Variants in SERPINB11 observed in about 807,000 individuals in gnomAD.
The protein encoded by SERPINB11 is serpin B11.
Under a neutral mutation model 36.7 loss-of-function variants are expected in SERPINB11, and 32 were observed. The ratio of observed to expected loss-of-function variants is 0.87; its 90% CI spans 0.66 to 1.17. The LOEUF is 1.17. SERPINB11 is among the 50% of genes most tolerant of loss of function. The pLI is 0.00. For missense variants in SERPINB11, 528 were observed against 458.4 expected (o/e 1.15, Z -1.39); for synonymous variants, 174 against 168.1 (o/e 1.04, Z -0.27).
intron 4 of SERPINB11, among the ~76,000 whole-genome samples, chr18:63,714,257 G>A (rs1914606160): frequency 6.6e-6 from 1 of 152,040 alleles, no homozygotes; most frequent in East Asian, 1.9e-4. Context: ...GTACGAATAG[G>A]GTGTGGGTCA....
chr18:63,719,458 G>C (rs996169263), intron 5 of SERPINB11, among the ~76,000 whole-genome samples: 2 of 152,082 alleles, frequency 1.3e-5, no homozygotes. Context: ...AATGCACCAA[G>C]AGGGCTGGAT....
At chr18:63,720,370 T>A (rs7238590) in intron 6 of SERPINB11, 165,921 of 519,798 alleles carry the variant, frequency 0.32, 28,966 homozygotes, top group East Asian at 0.55. Flanking sequence ...ATACTAAGAT[T>A]CTCTGGCAGA....
intron 1 of SERPINB11, among the ~76,000 whole-genome samples, chr18:63,707,827 C>T (rs556151930): frequency 3.3e-5 from 5 of 152,234 alleles, no homozygotes; most frequent in Admixed American, 2.6e-4. Flanking sequence ...AAAACAAAGA[C>T]CTTGGTGTAA....
chr18:63,720,393 T>C (rs1914778445), intron 6 of SERPINB11: 2 of 493,116 alleles, frequency 4.1e-6, no homozygotes, highest in Non-Finnish European at 7.0e-6. Context: ...AGAAAACCCA[T>C]TCTTTTCTTA....
chr18:63,709,453 A>G (rs1288121088), intron 1 of SERPINB11, among the ~76,000 whole-genome samples: 1 of 151,988 alleles, frequency 6.6e-6, no homozygotes, highest in African/African-American at 2.4e-5. Flanking sequence ...CTACCAAAAA[A>G]TACAAAAGTT....
intron 2 of SERPINB11, 35 bp from the exon 3 acceptor site, chr18:63,711,300 C>G (rs367844779): frequency 1.4e-4 from 199 of 1,465,778 alleles, no homozygotes; most frequent in Non-Finnish European, 1.6e-4. Flanking sequence ...TACATTGCTT[C>G]TGATGCCAAA....
At chr18:63,704,173 T>C (rs370081858) in intron 1 of SERPINB11, among the ~76,000 whole-genome samples, 4 of 152,216 alleles carry the variant, frequency 2.6e-5, no homozygotes, top group Admixed American at 1.3e-4. Context: ...CAAGTATTGA[T>C]TCCTGGGTGA....
chr18:63,705,782 T>C (rs532304304), intron 1 of SERPINB11: 3 of 152,302 alleles, frequency 2.0e-5, no homozygotes, highest in Admixed American at 6.5e-5. Flanking sequence ...TTAAGATAAA[T>C]AAATTCACGT....
chr18:63,707,521 T>C (rs1176196606), intron 1 of SERPINB11, among the ~76,000 whole-genome samples: 3 of 152,222 alleles, frequency 2.0e-5, no homozygotes, highest in Non-Finnish European at 4.4e-5. Flanking sequence ...GGTGTTTGAG[T>C]CTCTGCTCAT....
intron 5 of SERPINB11, among the ~76,000 whole-genome samples, chr18:63,716,793 C>T (rs898946601): frequency 7.9e-6 from 1 of 127,350 alleles, no homozygotes; most frequent in Non-Finnish European, 1.6e-5. Flanking sequence ...CCCCAGTTGG[C>T]TCTTTTTTTT....
intron 1 of SERPINB11, chr18:63,705,693 TA>T (rs1914354611): frequency 6.6e-6 from 1 of 152,244 alleles, no homozygotes; most frequent in Admixed American, 6.5e-5. Context: ...ACTCTTTTCT[TA>T]GGTGCTCTAG....
rs114363333 is a variant in SERPINB11, at chr18:63,710,472, A to G, written c.168+111A>G. ...ACCAATAAAATTGCCATCTTGAGAG[A>G]GAAAAAACACATTGAATAAATCATA... On this transcript the variant is annotated intron_variant, in intron 2 of 7. Coordinates refer to ENST00000544088, the MANE Select transcript of SERPINB11 (RefSeq NM_001370475.1). The G allele has an allele frequency of 6.1e-3, 4,770 of 779,828 alleles. 45 individuals carry two copies. Among genetic ancestry groups the G allele is most frequent in the African/African-American group, 0.035 (1,977 of 56,660 alleles). The allele number at this position is 779,828 out of a possible 1,614,324, so 48.3% of individuals were successfully genotyped here.
At chr18:63,710,532 G>C (rs1487762909) in intron 2 of SERPINB11, among the ~76,000 whole-genome samples, 171 bp downstream of exon 2, 1 of 152,198 alleles carries the variant, frequency 6.6e-6, no homozygotes, top group African/African-American at 2.4e-5. Context: ...GATTAATGGA[G>C]TATGCTGTAA....
chr18:63,723,222 G>A lies in SERPINB11; in HGVS notation c.1002G>A (p.Lys334=). 6.2e-7 allele frequency: 1 copy of A among 1,613,888 alleles called. No homozygotes were observed. The highest frequency in any genetic ancestry group is 8.5e-7 in the Non-Finnish European group (1 of 1,179,854). The change falls in exon 8 of 8, where the codon AAG becomes AAA. Residue 334 remains lysine, a synonymous_variant. Transcript: ENST00000544088. ...KGLYLSKAIH[K]SYLDVSEEGT... is the part of the protein sequence containing the mutation. ...TATATTTATCAAAAGCCATCCACAA[G>A]TCATACCTGGATGTCAGCGAAGAGG...
intron 5 of SERPINB11, among the ~76,000 whole-genome samples, chr18:63,716,792 G>A (rs1037445729): frequency 3.9e-5 from 5 of 128,200 alleles, no homozygotes; most frequent in African/African-American, 1.3e-4. Context: ...TCCCCAGTTG[G>A]CTCTTTTTTT....
chr18:63,716,973 A>T (rs2144545168), intron 5 of SERPINB11, among the ~76,000 whole-genome samples: 1 of 152,240 alleles, frequency 6.6e-6, no homozygotes, highest in African/African-American at 2.4e-5. Context: ...TATACTCATG[A>T]CTCAGGTCAG....
Position 63,723,719 on chromosome 18 carries a change from T to TACGGCGACCAC in SERPINB11, c.*320_*321insACGGCGACCAC. ...ATTAGATTTTCTTGACTTGTATGTA[T>TACGGCGACCAC]CTGTGAGATCTTGAATAAGTGACCT... On this transcript the variant is annotated 3_prime_UTR_variant, in exon 8 of 8. Coordinates refer to ENST00000544088, the MANE Select transcript of SERPINB11 (RefSeq NM_001370475.1). 1 of 225,186 alleles carries TACGGCGACCAC rather than the reference T, an allele frequency of 4.4e-6. No individual in the cohort carries two copies. 13.9% of individuals were successfully genotyped at this position (225,186 alleles called of 1,614,324 possible).
upstream of SERPINB11, chr18:63,702,387 T>C (rs139272096): frequency 3.7e-4 from 56 of 152,238 alleles, no homozygotes; most frequent in African/African-American, 1.3e-3. Context: ...GGTCAGGAGT[T>C]TGAGACCAGC....
chr18:63,706,070 A>C (rs936743273), intron 1 of SERPINB11, among the ~76,000 whole-genome samples: 1 of 152,216 alleles, frequency 6.6e-6, no homozygotes, highest in African/African-American at 2.4e-5. Flanking sequence ...AAAAACTGTC[A>C]AGAGCAAAGA....
Sources: allele counts gnomAD v4.1 joint callset (sites outside exome capture counted in the v4.1 genomes callset), GRCh38; gene constraint gnomAD v4.1.1; transcripts MANE v1.5; gene names NCBI Gene and HGNC (gene_info 2026-07-23, HGNC 2026-07-21).